CD302: variants seen among roughly 807,000 people sequenced by gnomAD.
The protein encoded by CD302 is CD302 molecule.
Under a neutral mutation model 26.5 loss-of-function variants are expected in CD302, and 23 were observed. The ratio of observed to expected loss-of-function variants is 0.87; its 90% confidence interval spans 0.62 to 1.23. The LOEUF is 1.23. Among genes scored for constraint, CD302 ranks in the 50% most tolerant of loss-of-function variants. The pLI, the probability that CD302 is intolerant of heterozygous loss-of-function variation, is 0.00. For missense variants in CD302, 290 were observed against 275.5 expected (o/e 1.05, Z -0.37); for synonymous variants, 90 against 99.4 (o/e 0.91, Z 0.56).
chr2:159,778,041 C>T (rs1560043080), intron 4 of CD302, 77 bp from the exon 5 acceptor site: 2 of 567,852 alleles, frequency 3.5e-6, no homozygotes, highest in Admixed American at 8.8e-5. Context: ...TGTTCACAAT[C>T]ATTAAAAATA....
chr2:159,785,718 C>G (rs1390550851), intron 1 of CD302, among the ~76,000 whole-genome samples: 1 of 152,216 alleles, frequency 6.6e-6, no homozygotes, highest in Non-Finnish European at 1.5e-5. Context: ...CTTCTTCCTT[C>G]AAATCCACTT....
chr2:159,795,254 G>A (rs1218865111), intron 1 of CD302, among the ~76,000 whole-genome samples: 1 of 151,590 alleles, frequency 6.6e-6, no homozygotes, highest in Non-Finnish European at 1.5e-5. Context: ...AAGAAAAGGT[G>A]GCAGCAATAG....
rs1423507983 is a variant in CD302 at position 159,770,933 on chromosome 2, C to G, written c.*918G>C. The G allele has an allele frequency of 6.6e-6, 1 of 152,098 alleles. No individual in the cohort carries two copies. 9.4% of individuals were successfully genotyped at this position (152,098 alleles called of 1,614,324 possible). A position where few individuals can be genotyped will look rare whatever the true frequency, so the allele number is the denominator to read the frequency against. On this transcript the variant is annotated 3_prime_UTR_variant, in exon 6 of 6. Coordinates refer to ENST00000259053, the MANE Select transcript of CD302 (RefSeq NM_014880.5). ...GGTTTATTGATGGTGAGGAAAATTA[C>G]TCGTTTCAGCTTTTTCATTTTTTTA... is the stretch of plus-strand genomic sequence containing the variant.
chr2:159,778,129 G>A (rs1708394854), intron 4 of CD302, among the ~76,000 whole-genome samples, 165 bp from the exon 5 acceptor site: 1 of 152,010 alleles, frequency 6.6e-6, no homozygotes, highest in Non-Finnish European at 1.5e-5. Flanking sequence ...AGTTGTCTCT[G>A]TTGTCTATTT....
chr2:159,781,203 A>G (rs1016758852), intron 2 of CD302, among the ~76,000 whole-genome samples: 1 of 152,198 alleles, frequency 6.6e-6, no homozygotes, highest in South Asian at 2.1e-4. Context: ...ATGTCATTGA[A>G]ATTATGTTTA....
intron 4 of CD302, 118 bp downstream of exon 4, chr2:159,779,887 G>T: frequency 1.7e-6 from 2 of 1,206,768 alleles, no homozygotes; most frequent in Admixed American, 2.9e-5. Context: ...GCAGGCGTGA[G>T]CCACTGTGCC....
At chr2:159,772,436 G>A (rs1178688423) in intron 5 of CD302, among the ~76,000 whole-genome samples, 1 of 152,088 alleles carries the variant, frequency 6.6e-6, no homozygotes, top group Non-Finnish European at 1.5e-5. Context: ...GAGGTTTAAT[G>A]GTTCACCTGG....
chr2:159,779,833 C>T (rs1216317877), intron 4 of CD302, among the ~76,000 whole-genome samples, 172 bp downstream of exon 4: 2 of 152,088 alleles, frequency 1.3e-5, no homozygotes, highest in East Asian at 1.9e-4. Context: ...TCAACTCCTG[C>T]GCTCAAGCAA....
At chr2:159,775,358 G>A (rs1231219088) in intron 5 of CD302, among the ~76,000 whole-genome samples, 1 of 152,188 alleles carries the variant, frequency 6.6e-6, no homozygotes, top group Non-Finnish European at 1.5e-5. Flanking sequence ...AAGACCATAT[G>A]TTGCCAGATC....
chr2:159,778,566 AAGG>A (rs1301593247), intron 4 of CD302, among the ~76,000 whole-genome samples: 2 of 152,050 alleles, frequency 1.3e-5, no homozygotes, highest in African/African-American at 4.8e-5. Context: ...TATGTAAAGA[AAGG>A]AAATAAAGCA....
rs767535913 is a variant in CD302 at position 159,771,803 on chromosome 2, C to A, written c.*48G>T. On this transcript the variant is annotated 3_prime_UTR_variant, in exon 6 of 6. Coordinates refer to ENST00000259053, the MANE Select transcript of CD302 (RefSeq NM_014880.5). Reference sequence around the variant, plus strand: ...TATATTAAAATCTTTCCCAAGTTATCTCTGCCAGGGCATTTTGTTGATGTC... The same window carrying A: ...TATATTAAAATCTTTCCCAAGTTATATCTGCCAGGGCATTTTGTTGATGTC... 1.9e-6 allele frequency: 3 copies of A among 1,592,812 alleles called. No homozygotes were observed. The highest frequency in any genetic ancestry group is 1.3e-5 in the African/African-American group (1 of 74,300).
At chr2:159,781,836 G>A (rs1319636613) in intron 2 of CD302, among the ~76,000 whole-genome samples, 4 of 151,980 alleles carry the variant, frequency 2.6e-5, no homozygotes, top group Non-Finnish European at 4.4e-5. Flanking sequence ...ACTATGTGGC[G>A]CTTTAATAAG....
intron 5 of CD302, among the ~76,000 whole-genome samples, chr2:159,776,415 C>T (rs1708326434): frequency 6.6e-6 from 1 of 152,008 alleles, no homozygotes; most frequent in Non-Finnish European, 1.5e-5. Context: ...ATTTGGGATA[C>T]ATACTCAGAA....
At chr2:159,791,486 T>C (rs1708805546) in intron 1 of CD302, among the ~76,000 whole-genome samples, 1 of 152,232 alleles carries the variant, frequency 6.6e-6, no homozygotes, top group South Asian at 2.1e-4. Context: ...GGCCTATACA[T>C]GTTTACATAG....
chr2:159,793,430 T>A (rs59581380), intron 1 of CD302, among the ~76,000 whole-genome samples: 53 of 151,018 alleles, frequency 3.5e-4, no homozygotes, highest in African/African-American at 1.1e-3. Flanking sequence ...CTCTTTTTTT[T>A]AAAAAAAGAA....
intron 1 of CD302, among the ~76,000 whole-genome samples, chr2:159,792,868 A>G (rs964074938): frequency 6.6e-6 from 1 of 152,302 alleles, no homozygotes; most frequent in Non-Finnish European, 1.5e-5. Context: ...TTAATTCAAC[A>G]TGGAACCCCT....
intron 5 of CD302, among the ~76,000 whole-genome samples, chr2:159,773,873 CAA>C (rs1574484627): frequency 6.6e-6 from 1 of 151,926 alleles, no homozygotes; most frequent in African/African-American, 2.4e-5. Context: ...TTTAAAGAAA[CAA>C]AATTTAGGAA....
chr2:159,788,388 CA>C (rs1290858367), intron 1 of CD302, among the ~76,000 whole-genome samples: 1 of 152,202 alleles, frequency 6.6e-6, no homozygotes, highest in African/African-American at 2.4e-5. Context: ...ACATGCCATA[CA>C]GGTTCCGCAA....
At chr2:159,786,318 C>A (rs905158734) in intron 1 of CD302, among the ~76,000 whole-genome samples, 2 of 144,584 alleles carry the variant, frequency 1.4e-5, no homozygotes, top group South Asian at 4.4e-4. Flanking sequence ...CTTCTTGAAG[C>A]ATGTTGTCTT....
Sources: allele counts gnomAD v4.1 joint callset (sites outside exome capture counted in the v4.1 genomes callset), GRCh38; gene constraint gnomAD v4.1.1; transcripts MANE v1.5; gene names NCBI Gene and HGNC (gene_info 2026-07-23, HGNC 2026-07-21).